Variants in MACROH2A1 observed in about 807,000 individuals in gnomAD.
MACROH2A1 encodes core histone macro-H2A.1.
A neutral mutation model predicts 31.6 loss-of-function variants in MACROH2A1; 2 were observed. The ratio of observed to expected loss-of-function variants is 0.06; its 90% confidence interval spans 0.03 to 0.20. MACROH2A1 has a LOEUF of 0.20. MACROH2A1 is among the 10% of genes least tolerant of loss of function. The pLI, the probability that MACROH2A1 is intolerant of heterozygous loss-of-function variation, is 1.00. For synonymous variants in MACROH2A1, 169 were observed against 189.6 expected, an observed-to-expected ratio of 0.89 and a Z score of 0.89; for missense variants, 230 against 474.0, an observed-to-expected ratio of 0.49 and a Z score of 4.78.
At chr5:135,338,107 C>T (rs1314763885) in intron 8 of MACROH2A1, 2 of 602,916 alleles carry the variant, frequency 3.3e-6, no homozygotes, top group African/African-American at 4.0e-5. Context: ...GGTGGATGCC[C>T]TGCAAGAGCA....
chr5:135,388,048 C>CAAAAAAAAAAAAAAAA (rs55971554), intron 2 of MACROH2A1, among the ~76,000 whole-genome samples: 1 of 80,946 alleles, frequency 1.2e-5, no homozygotes. Flanking sequence ...ATTGATACTT[C>CAAAAAAAAAAAAAAAA]AAAAAAAAAA....
intron 2 of MACROH2A1, among the ~76,000 whole-genome samples, chr5:135,382,858 C>T (rs1432836024): frequency 1.3e-5 from 2 of 152,344 alleles, no homozygotes; most frequent in East Asian, 3.9e-4. Context: ...CATGTTTACG[C>T]TCTCCTGAAC....
chr5:135,359,722 T>C (rs1394617212), intron 5 of MACROH2A1: 1 of 974,116 alleles, frequency 1.0e-6, no homozygotes, highest in Non-Finnish European at 1.2e-6. Flanking sequence ...ACAGATTAAC[T>C]TGGAACGTCA....
intron 2 of MACROH2A1, among the ~76,000 whole-genome samples, chr5:135,371,632 G>A (rs1561631986): frequency 6.6e-6 from 1 of 152,120 alleles, no homozygotes; most frequent in Non-Finnish European, 1.5e-5. Context: ...TTGGTAACCT[G>A]TCAACCTCAT....
chr5:135,336,957 C>T (rs752428931), intron 8 of MACROH2A1, among the ~76,000 whole-genome samples: 2 of 152,208 alleles, frequency 1.3e-5, no homozygotes, highest in Non-Finnish European at 2.9e-5. Flanking sequence ...GCAGCCTGTA[C>T]TTAGGGGCCA....
chr5:135,353,919 T>TAG (rs1761882413), intron 5 of MACROH2A1: 2 of 152,248 alleles, frequency 1.3e-5, no homozygotes, highest in South Asian at 2.1e-4. Context: ...GCAAGGGGAA[T>TAG]TAATGGGCCT....
At chr5:135,393,171 T>A (rs1767487261) in intron 1 of MACROH2A1, among the ~76,000 whole-genome samples, 1 of 152,156 alleles carries the variant, frequency 6.6e-6, no homozygotes, top group South Asian at 2.1e-4. Flanking sequence ...ATGCCTCCCA[T>A]CTTGTTACTC....
intron 1 of MACROH2A1, among the ~76,000 whole-genome samples, chr5:135,392,318 C>A (rs1412405381): frequency 6.6e-6 from 1 of 152,236 alleles, no homozygotes; most frequent in African/African-American, 2.4e-5. Context: ...AATATCACAG[C>A]TCCTCCAGTG....
rs533327495 is a variant in MACROH2A1 at position 135,343,131 on chromosome 5, G to A, written c.953+129C>T. ...TAATGTCTGCATTCTTCCCTGTGTT[G>A]TGCTTCTGGTCTCCTTGGTTAAGGC... On this transcript the variant is annotated intron_variant, in intron 8 of 8. Transcript: ENST00000511689. The A allele has an allele frequency of 2.5e-6, 4 of 1,579,242 alleles. No homozygotes were observed. In the East Asian group the frequency reaches 6.8e-5, roughly 27 times the overall value.
chr5:135,370,161 A>C lies in MACROH2A1; in HGVS notation c.173-19T>G, dbSNP rs376570884. The C allele has an allele frequency of 1.3e-6, 2 of 1,521,908 alleles. No individual in the cohort carries two copies. Among genetic ancestry groups the C allele is most frequent in the Non-Finnish European group, 1.8e-6 (2 of 1,100,872 alleles). The allele number at this position is 1,521,908 out of a possible 1,614,324, so 94.3% of individuals were successfully genotyped here. On this transcript the variant is annotated intron_variant, in intron 2 of 8. Transcript: ENST00000511689. ...ATCTCCGCTGTGGGGAGCAGAGATG[A>C]GTGTATGGTCATGTTAGAGGACCAT...
chr5:135,360,659 AAT>A (rs1401082460), intron 4 of MACROH2A1, 52 bp from the exon 5 acceptor site: 1 of 1,266,918 alleles, frequency 7.9e-7, no homozygotes, highest in African/African-American at 1.5e-5. Context: ...CAGGCATCCT[AAT>A]AGAGAGGCAG....
chr5:135,387,184 C>T (rs1462452069), intron 2 of MACROH2A1, among the ~76,000 whole-genome samples: 1 of 152,204 alleles, frequency 6.6e-6, no homozygotes, highest in African/African-American at 2.4e-5. Flanking sequence ...ACATAGCTTT[C>T]CTGGGTGTGT....
At position 135,369,360 on chromosome 5, in the gene MACROH2A1, G is replaced by A. The variant is rs370529114; in HGVS notation, c.477+46C>T. The A allele has an allele frequency of 4.3e-5, 64 of 1,497,866 alleles. No homozygotes were observed. The highest frequency in any genetic ancestry group is 1.2e-4 in the African/African-American group (9 of 72,318). 92.8% of individuals were successfully genotyped at this position (1,497,866 alleles called of 1,614,324 possible). On this transcript the variant is annotated intron_variant, in intron 4 of 8. Coordinates refer to ENST00000511689, the MANE Select transcript of MACROH2A1 (RefSeq NM_138610.3). This position sits in a 1 kb window ranked among gnomAD's most constrained non-coding sequence, Gnocchi z 4.3. The stretch of plus-strand genomic sequence containing the variant: ...GGTGCCCTGGTAACCCTGTTTATCC[G>A]TACCCCATCCTATCCCACTTCATAC...
chr5:135,367,192 TTTTCTGCTG>T (rs1763616239), intron 4 of MACROH2A1, among the ~76,000 whole-genome samples: 1 of 152,236 alleles, frequency 6.6e-6, no homozygotes, highest in Non-Finnish European at 1.5e-5. Context: ...AGATGCAGGC[TTTTCTGCTG>T]TTTCTGGGAG....
At chr5:135,393,314 A>C (rs1454201323) in intron 1 of MACROH2A1, among the ~76,000 whole-genome samples, 1 of 152,196 alleles carries the variant, frequency 6.6e-6, no homozygotes, top group African/African-American at 2.4e-5. Context: ...ATCAACTAGA[A>C]CTTAGTCACA....
chr5:135,344,463 T>C (rs1760492774), intron 7 of MACROH2A1: 1 of 152,178 alleles, frequency 6.6e-6, no homozygotes. Flanking sequence ...TTGTGGGTAG[T>C]GTCTCATGGT....
rs984783432 is a variant in MACROH2A1 at position 135,360,868 on chromosome 5, A to G, written c.478-261T>C. ...AAAGGTAAAACTTCACTTTACAGTGATCATTTAGAATAGAACCATTTTCAT... is the reference window on the plus strand; with the variant it reads ...AAAGGTAAAACTTCACTTTACAGTGGTCATTTAGAATAGAACCATTTTCAT... On this transcript the variant is annotated intron_variant, in intron 4 of 8. Transcript: ENST00000511689. 3 of 621,650 alleles carry G rather than the reference A, an allele frequency of 4.8e-6. No homozygotes were observed. In the African/African-American group the frequency reaches 5.5e-5, roughly 11 times the overall value. The allele number at this position is 621,650 out of a possible 1,614,324, so 38.5% of individuals were successfully genotyped here.
At chr5:135,371,616 G>T (rs1764183906) in intron 2 of MACROH2A1, among the ~76,000 whole-genome samples, 1 of 152,152 alleles carries the variant, frequency 6.6e-6, no homozygotes, top group South Asian at 2.1e-4. Context: ...TGGCATTACA[G>T]TTCTCTTGGT....
chr5:135,351,802 A>G (rs1336903297), intron 6 of MACROH2A1, among the ~76,000 whole-genome samples: 1 of 151,760 alleles, frequency 6.6e-6, no homozygotes, highest in Non-Finnish European at 1.5e-5. Context: ...GCCTCACTCA[A>G]TCCTCCTGCC....
Sources: gnomAD v4.1 joint callset for allele counts (sites outside exome capture counted in the v4.1 genomes callset) on GRCh38, gnomAD v4.1.1 for gene constraint, Gnocchi (gnomAD v3.1) non-coding constraint, MANE v1.5 for transcripts, NCBI Gene and HGNC (gene_info 2026-07-23, HGNC 2026-07-21) for gene names.